The following SNX19 variants were observed in gnomAD, a reference collection of about 807,000 sequenced individuals.
SNX19 encodes the protein sorting nexin-19.
Under a neutral mutation model 85.2 loss-of-function variants are expected in SNX19, and 60 were observed. That is an observed-to-expected ratio of 0.70 (90% CI 0.57 to 0.87). The LOEUF (loss-of-function observed/expected upper bound fraction) is 0.87. Among genes scored for constraint, SNX19 ranks in the 40% least tolerant of loss-of-function variants. SNX19 has a pLI of 0.00. For missense variants in SNX19, 1,201 were observed against 1,217.8 expected (o/e 0.99, Z 0.21); for synonymous variants, 520 against 470.0 (o/e 1.11, Z -1.38).
intron 8 of SNX19, among the ~76,000 whole-genome samples, chr11:130,884,627 G>A (rs58717100): frequency 0.079 from 11,963 of 152,086 alleles, 572 homozygotes; most frequent in African/African-American, 0.13. Flanking sequence ...CAGCACTTTG[G>A]AAGGCTGAGG....
At chr11:130,879,507 T>G in intron 10 of SNX19, 117 bp downstream of exon 10, 1 of 840,194 alleles carries the variant, frequency 1.2e-6, no homozygotes. Flanking sequence ...CCAGAGCAAG[T>G]AAAGACTACA....
chr11:130,901,993 T>C (rs370504018), intron 8 of SNX19: 1 of 152,192 alleles, frequency 6.6e-6, no homozygotes, highest in Non-Finnish European at 1.5e-5. Flanking sequence ...GGGGAAAAGC[T>C]TAAAGGGACA....
rs1408338928 is a variant in SNX19 at position 130,869,580 on chromosome 11, A to C, written c.*8842T>G. ...TCCACAGAAAGCTCAACAAGTCACT[A>C]AACTTTCTGAGTCTCAGAATCTGGG... On this transcript the variant is annotated 3_prime_UTR_variant, in exon 11 of 11. Transcript: ENST00000265909. 1 of 152,216 alleles carries C rather than the reference A, an allele frequency of 6.6e-6. No homozygotes were observed. Among genetic ancestry groups the C allele is most frequent in the Admixed American group, 6.5e-5 (1 of 15,286 alleles). 9.4% of individuals were successfully genotyped at this position (152,216 alleles called of 1,614,324 possible).
At chr11:130,882,578 A>G (rs1943756162) in intron 8 of SNX19, among the ~76,000 whole-genome samples, 1 of 152,218 alleles carries the variant, frequency 6.6e-6, no homozygotes, top group African/African-American at 2.4e-5. Context: ...TTCTTGTCCA[A>G]AATAGCCAAC....
intron 8 of SNX19, among the ~76,000 whole-genome samples, chr11:130,889,221 A>C (rs965797314): frequency 3.6e-4 from 54 of 152,066 alleles, no homozygotes; most frequent in African/African-American, 1.1e-3. Flanking sequence ...ATTGTTCAGT[A>C]TGTGTCCCCT....
intron 8 of SNX19, among the ~76,000 whole-genome samples, chr11:130,893,591 T>G (rs1366222120): frequency 1.3e-5 from 2 of 152,064 alleles, no homozygotes; most frequent in Admixed American, 6.6e-5. Flanking sequence ...AGGCCATCTA[T>G]CCCGTTATGA....
At chr11:130,910,424 CTATT>C in intron 2 of SNX19, 54 bp from the exon 3 acceptor site, 1 of 1,270,274 alleles carries the variant, frequency 7.9e-7, no homozygotes, top group South Asian at 1.3e-5. Context: ...TCACAGAGAG[CTATT>C]CCATATAAAA....
rs560588417 is a variant in SNX19 at position 130,906,449 on chromosome 11, T to C, written c.2262+176A>G. On this transcript the variant is annotated intron_variant, in intron 6 of 10. Transcript: ENST00000265909. ...AGCCAACCTGCCAACCCAGAACTGGTAGGAATTCCAAACCACTTAGAGAAA... is the reference window on the plus strand; with the variant it reads ...AGCCAACCTGCCAACCCAGAACTGGCAGGAATTCCAAACCACTTAGAGAAA... 2.6e-5 allele frequency among the ~76,000 whole-genome samples: 4 copies of C among 152,288 alleles called. No homozygotes were observed. The East Asian group carries it at 7.7e-4, about 29-fold the overall frequency.
Position 130,869,316 on chromosome 11 carries a change from A to G in SNX19, c.*9106T>C, listed in dbSNP as rs1942916815. 6.6e-6 allele frequency: 1 copy of G among 152,250 alleles called. No individual in the cohort carries two copies. The highest frequency in any genetic ancestry group is 2.4e-5 in the African/African-American group (1 of 41,466). The allele number at this position is 152,250 out of a possible 1,614,324, so 9.4% of individuals were successfully genotyped here. On this transcript the variant is annotated 3_prime_UTR_variant, in exon 11 of 11. Coordinates refer to ENST00000265909, the MANE Select transcript of SNX19 (RefSeq NM_014758.3). ...AGGAAACTTCTTCATTACATTGCCT[A>G]TCAGTGCAGTTAAGTAAAAAGGCAC...
chr11:130,910,843 C>G (rs1946051614), intron 2 of SNX19, among the ~76,000 whole-genome samples: 1 of 152,188 alleles, frequency 6.6e-6, no homozygotes, highest in Non-Finnish European at 1.5e-5. Flanking sequence ...TTTGGGTAAT[C>G]ATTTTTAAAA....
chr11:130,879,994 CAG>C (rs1213852573), intron 9 of SNX19, among the ~76,000 whole-genome samples: 2 of 152,176 alleles, frequency 1.3e-5, no homozygotes, highest in Admixed American at 1.3e-4. Context: ...GGTTGGCAAA[CAG>C]AGTTATAATA....
rs779293044 is a variant in SNX19 at position 130,906,060 on chromosome 11, G to A, written c.2336C>T (p.Pro779Leu). ...EKQTKLLEMQ[P>L]TKAPEKDPEQ... ...AGGATCTTTTTCTGGGGCTTTTGTTGGCTGCATTTCCAGTAACTTTGTCTG... is the reference window on the plus strand; with the variant it reads ...AGGATCTTTTTCTGGGGCTTTTGTTAGCTGCATTTCCAGTAACTTTGTCTG... The change falls in exon 7 of 11, where the codon CCA (proline) becomes CTA (leucine). Residue 779 changes from proline (P) to leucine (L), a missense_variant. Pro to Leu is a moderately conservative substitution (Grantham distance 98, BLOSUM62 -3). Around this residue, in one of 3 missense-constraint regions of SNX19, gnomAD observed 285 missense variants for 295.3 expected, o/e 0.97. Coordinates refer to ENST00000265909, the MANE Select transcript of SNX19 (RefSeq NM_014758.3). The A allele has an allele frequency of 1.2e-6, 2 of 1,613,988 alleles. No homozygotes were observed. Among genetic ancestry groups the A allele is most frequent in the South Asian group, 1.1e-5 (1 of 91,080 alleles).
intron 4 of SNX19, among the ~76,000 whole-genome samples, chr11:130,909,630 G>C (rs1372475712): frequency 6.6e-6 from 1 of 152,122 alleles, no homozygotes; most frequent in Admixed American, 6.5e-5. Flanking sequence ...GTCGTCTTAG[G>C]CTCTCTTTCC....
In SNX19 at chr11:130,900,461, C is replaced by T. The variant is rs140406750; in HGVS notation, c.2573+2794G>A. On this transcript the variant is annotated intron_variant, in intron 8 of 10. Coordinates refer to ENST00000265909, the MANE Select transcript of SNX19 (RefSeq NM_014758.3). The stretch of plus-strand genomic sequence containing the variant: ...GCTTCGCTCGTATTTAACTTTTCTG[C>T]CTTAGATCTCCCAGGGCCCCGGCCA... Among the ~76,000 whole-genome samples the T allele has an allele frequency of 7.2e-4, 110 of 152,282 alleles. 2 individuals are homozygous for T. The East Asian group carries it at 0.02, about 28-fold the overall frequency.
intron 8 of SNX19, among the ~76,000 whole-genome samples, chr11:130,887,038 G>A (rs765810919): frequency 2.0e-5 from 3 of 152,192 alleles, no homozygotes; most frequent in Admixed American, 6.5e-5. Flanking sequence ...ATGGCTCAGA[G>A]TTGGCACAAT....
rs918521636 is a variant in SNX19 at position 130,877,708 on chromosome 11, T to C, written c.*714A>G. 6.6e-6 allele frequency: 1 copy of C among 152,528 alleles called. No individual in the cohort carries two copies. The highest frequency in any genetic ancestry group is 1.5e-5 in the Non-Finnish European group (1 of 68,034). The allele number at this position is 152,528 out of a possible 1,614,324, so 9.4% of individuals were successfully genotyped here. ...TATAAATGCCTTTCAGGAAAGGGTGTGAAGGGTGGGGTGGATTTACCAGAA... is the reference window on the plus strand; with the variant it reads ...TATAAATGCCTTTCAGGAAAGGGTGCGAAGGGTGGGGTGGATTTACCAGAA... On this transcript the variant is annotated 3_prime_UTR_variant, in exon 11 of 11. Coordinates refer to ENST00000265909, the MANE Select transcript of SNX19 (RefSeq NM_014758.3).
chr11:130,878,727 T>C (rs1417209685), intron 10 of SNX19, among the ~76,000 whole-genome samples, 173 bp from the exon 11 acceptor site: 3 of 152,164 alleles, frequency 2.0e-5, no homozygotes, highest in Non-Finnish European at 4.4e-5. Context: ...CTGACCCTAA[T>C]AAAGGCAAGA....
rs1945499631 is a variant in SNX19, at chr11:130,904,445, T to C, written c.2444-1061A>G. ...TCTTAACCCTATATAATACATATTT[T>C]CTTTTCTGTTTGTATTGCAAGGATT... is the stretch of plus-strand genomic sequence containing the variant. On this transcript the variant is annotated intron_variant, in intron 7 of 10. Coordinates refer to ENST00000265909, the MANE Select transcript of SNX19 (RefSeq NM_014758.3). Among the ~76,000 whole-genome samples, 7 of 152,232 alleles carry C rather than the reference T, an allele frequency of 4.6e-5. No individual in the cohort carries two copies. In the South Asian group the frequency reaches 1.4e-3, roughly 32 times the overall value.
rs139743219 is a variant in SNX19 at position 130,903,091 on chromosome 11, T to G, written c.2573+164A>C. On this transcript the variant is annotated intron_variant, in intron 8 of 10. Transcript: ENST00000265909. ...AAATTGTAGACAACAAGGTAGTCAA[T>G]AAAAGCTTTCTGATACTCTCAAGGC... 1.5e-4 allele frequency: 134 copies of G among 919,068 alleles called. No individual in the cohort carries two copies. The East Asian group carries it at 2.0e-3, about 14-fold the overall frequency. 56.9% of individuals were successfully genotyped at this position (919,068 alleles called of 1,614,324 possible).
Sources: gnomAD v4.1 joint callset for allele counts (sites outside exome capture counted in the v4.1 genomes callset) on GRCh38, gnomAD v4.1.1 for gene constraint, gnomAD v4.1.1 regional missense constraint, MANE v1.5 for transcripts, NCBI Gene and HGNC (gene_info 2026-07-23, HGNC 2026-07-21) for gene names.